The following SLCO6A1 variants were observed in gnomAD, a reference collection of about 807,000 sequenced individuals.
SLCO6A1 encodes the protein solute carrier organic anion transporter family member 6A1, also known as cancer/testis antigen 48.
Under a neutral mutation model 72.7 loss-of-function variants are expected in SLCO6A1, and 65 were observed. The observed-to-expected ratio is 0.89, with a 90% confidence interval of 0.73 to 1.10. The LOEUF (loss-of-function observed/expected upper bound fraction) is 1.10, where lower values mean the gene tolerates loss of function less well. SLCO6A1 is among the 50% of genes least tolerant of loss of function. SLCO6A1 has a pLI of 0.00. For missense variants in SLCO6A1, 874 were observed against 872.6 expected (o/e 1.00, Z -0.02); for synonymous variants, 314 against 298.2 (o/e 1.05, Z -0.55).
chr5:102,404,513 CA>C (rs1747569573), intron 9 of SLCO6A1, among the ~76,000 whole-genome samples: 1 of 151,084 alleles, frequency 6.6e-6, no homozygotes, highest in Non-Finnish European at 1.5e-5. Context: ...CTCAAAAAAA[CA>C]AAAAACAAAA....
chr5:102,407,663 C>A (rs1009926439), intron 9 of SLCO6A1, among the ~76,000 whole-genome samples: 2 of 152,130 alleles, frequency 1.3e-5, no homozygotes, highest in Admixed American at 6.6e-5. Context: ...ATCAGAGATA[C>A]AAAATATGTA....
chr5:102,468,424 T>G (rs944281748), intron 4 of SLCO6A1, among the ~76,000 whole-genome samples: 16 of 152,122 alleles, frequency 1.1e-4, no homozygotes, highest in African/African-American at 3.9e-4. Context: ...GTGCTGTCAG[T>G]GGAGTACTGA....
intron 1 of SLCO6A1, among the ~76,000 whole-genome samples, chr5:102,486,238 A>G (rs1306025085): frequency 1.3e-5 from 2 of 152,174 alleles, no homozygotes; most frequent in African/African-American, 2.4e-5. Flanking sequence ...ATGTGTACAA[A>G]GCACAATTAA....
At position 102,396,988 on chromosome 5, in the gene SLCO6A1, A is replaced by G. The variant is rs181408484; in HGVS notation, c.1814+2567T>C. On this transcript the variant is annotated intron_variant, in intron 10 of 13. Coordinates refer to ENST00000506729, the MANE Select transcript of SLCO6A1 (RefSeq NM_173488.5). ...AAAAGTTCCACCTCTCAAATACAGC[A>G]GTCAGATTGCCTACTCTCTTAATAT... is the stretch of plus-strand genomic sequence containing the variant. Among the ~76,000 whole-genome samples the G allele has an allele frequency of 2.2e-3, 328 of 152,300 alleles. 4 individuals carry two copies. The highest frequency in any genetic ancestry group is 7.6e-3 in the African/African-American group (317 of 41,574).
intron 1 of SLCO6A1, among the ~76,000 whole-genome samples, chr5:102,492,922 A>G (rs1752748536): frequency 6.6e-6 from 1 of 152,134 alleles, no homozygotes. Context: ...CCACTGCTCA[A>G]GGAGGCCTGC....
chr5:102,383,848 C>T (rs967303495), intron 12 of SLCO6A1, among the ~76,000 whole-genome samples: 3 of 151,674 alleles, frequency 2.0e-5, no homozygotes, highest in Admixed American at 6.6e-5. Flanking sequence ...ATTTTGATTG[C>T]TAATTCAACT....
intron 6 of SLCO6A1, among the ~76,000 whole-genome samples, chr5:102,441,999 A>G (rs1160300850): frequency 6.6e-6 from 1 of 152,072 alleles, no homozygotes; most frequent in African/African-American, 2.4e-5. Flanking sequence ...CATTTATTTT[A>G]AAATAATTAT....
intron 9 of SLCO6A1, 109 bp downstream of exon 9, chr5:102,412,881 T>G: frequency 2.3e-6 from 1 of 428,080 alleles, no homozygotes; most frequent in Non-Finnish European, 3.7e-6. Flanking sequence ...GTTAATAGCA[T>G]CTACAAGTTG....
At chr5:102,377,632 GAT>G (rs369555975) in intron 12 of SLCO6A1, among the ~76,000 whole-genome samples, 8 of 150,346 alleles carry the variant, frequency 5.3e-5, no homozygotes, top group South Asian at 2.1e-4. Context: ...AGTATTGTTT[GAT>G]ATATATATAT....
intron 7 of SLCO6A1, among the ~76,000 whole-genome samples, chr5:102,428,167 C>T (rs909451783): frequency 1.3e-5 from 2 of 151,526 alleles, no homozygotes; most frequent in Non-Finnish European, 2.9e-5. Flanking sequence ...CCATATCTGG[C>T]CAGAAACTCT....
rs367565813 is a variant in SLCO6A1, at chr5:102,459,606, G to A, written c.1021+50C>T. The stretch of plus-strand genomic sequence containing the variant: ...TCATTCTATGAGAATAAGAACCATG[G>A]TGGAAGAAACTACTATCCTCCAATT... On this transcript the variant is annotated intron_variant, in intron 5 of 13. Coordinates refer to ENST00000506729, the MANE Select transcript of SLCO6A1 (RefSeq NM_173488.5). 4 of 1,516,340 alleles carry A rather than the reference G, an allele frequency of 2.6e-6. No individual in the cohort carries two copies. In the African/African-American group the frequency reaches 5.7e-5, roughly 22 times the overall value. 93.9% of individuals were successfully genotyped at this position (1,516,340 alleles called of 1,614,324 possible). A position where few individuals can be genotyped will look rare whatever the true frequency, so the allele number is the denominator to read the frequency against.
At chr5:102,401,578 G>A (rs1259182267) in intron 9 of SLCO6A1, among the ~76,000 whole-genome samples, 2 of 152,080 alleles carry the variant, frequency 1.3e-5, no homozygotes, top group African/African-American at 2.4e-5. Context: ...AAATAAAAAT[G>A]GCCAAATTCA....
At chr5:102,378,035 C>T (rs1389344812) in intron 12 of SLCO6A1, among the ~76,000 whole-genome samples, 1 of 150,016 alleles carries the variant, frequency 6.7e-6, no homozygotes, top group Non-Finnish European at 1.5e-5. Context: ...TATTTATTTT[C>T]TTTTAATAAA....
At chr5:102,386,031 T>C (rs1746399482) in intron 12 of SLCO6A1, among the ~76,000 whole-genome samples, 1 of 152,142 alleles carries the variant, frequency 6.6e-6, no homozygotes, top group African/African-American at 2.4e-5. Flanking sequence ...TTTGGTGGTG[T>C]CATGTTTTCC....
chr5:102,479,118 T>C (rs1045216366), intron 2 of SLCO6A1, among the ~76,000 whole-genome samples: 2 of 152,128 alleles, frequency 1.3e-5, no homozygotes, highest in African/African-American at 4.8e-5. Flanking sequence ...GGGAGGGACC[T>C]GGTGGGAGGT....
Position 102,477,722 on chromosome 5 carries a change from G to A in SLCO6A1, c.756C>T (p.Thr252=). The stretch of plus-strand genomic sequence containing the variant: ...GTGTAGCAACATTCTCATCAATAAA[G>A]GTTATTCCAAGGATATAAAGAGGCA... ...AGMPLYILGI[T]FIDENVATHS... The change falls in exon 3 of 14, where the codon ACC becomes ACT. Residue 252 remains threonine, a synonymous_variant. Transcript: ENST00000506729. 1 of 1,613,594 alleles carries A rather than the reference G, an allele frequency of 6.2e-7. No homozygotes were observed. The highest frequency in any genetic ancestry group is 8.5e-7 in the Non-Finnish European group (1 of 1,179,780).
intron 7 of SLCO6A1, among the ~76,000 whole-genome samples, chr5:102,430,476 A>G (rs1022797909): frequency 6.6e-6 from 1 of 152,150 alleles, no homozygotes; most frequent in African/African-American, 2.4e-5. Flanking sequence ...ATGTTCCTTC[A>G]GTACCTAGTT....
intron 7 of SLCO6A1, among the ~76,000 whole-genome samples, chr5:102,435,471 C>T (rs1475108070): frequency 6.6e-6 from 1 of 152,108 alleles, no homozygotes; most frequent in Non-Finnish European, 1.5e-5. Flanking sequence ...CTAACAGAAA[C>T]AATGTAGAAT....
In SLCO6A1 at chr5:102,494,753, A is replaced by G. The variant is rs1273627930; in HGVS notation, c.358+3734T>C. ...AAAATTTTAAGAACTGACAATACCA[A>G]CTATTAATAAGAATGTGGAACTGGA... On this transcript the variant is annotated intron_variant, in intron 1 of 13. Transcript: ENST00000506729. Among the ~76,000 whole-genome samples the G allele has an allele frequency of 7.9e-5, 12 of 152,324 alleles. No individual in the cohort carries two copies. In the East Asian group the frequency reaches 2.3e-3, roughly 29 times the overall value.
Sources: allele counts gnomAD v4.1 joint callset (sites outside exome capture counted in the v4.1 genomes callset), GRCh38; gene constraint gnomAD v4.1.1; transcripts MANE v1.5; gene names NCBI Gene and HGNC (gene_info 2026-07-23, HGNC 2026-07-21).